Variants in LRRC56 observed in about 807,000 individuals in gnomAD.
LRRC56 encodes the protein leucine-rich repeat-containing protein 56.
LRRC56 carries 41 observed loss-of-function variants against 47.8 expected under a neutral mutation model. The observed-to-expected ratio is 0.86, with a 90% CI of 0.67 to 1.11. The LOEUF (loss-of-function observed/expected upper bound fraction) is 1.11. Among genes scored for constraint, LRRC56 ranks in the 50% most tolerant of loss-of-function variants. LRRC56 has a pLI of 0.00. For missense variants in LRRC56, 759 were observed against 704.2 expected (o/e 1.08, Z -0.88); for synonymous variants, 387 against 311.2 (o/e 1.24, Z -2.56).
At chr11:546,087 A>T (rs756010458) in intron 6 of LRRC56, among the ~76,000 whole-genome samples, 1 of 152,032 alleles carries the variant, frequency 6.6e-6, no homozygotes, top group African/African-American at 2.4e-5. Context: ...CCTGACCAAC[A>T]TGGAGAAATC....
At chr11:532,029 T>A in the LRRC56 span, among the ~76,000 whole-genome samples, 1 of 152,182 alleles carries the variant, frequency 6.6e-6, no homozygotes, top group Non-Finnish European at 1.5e-5. Context: ...GTCCTTATGA[T>A]CTGCCTGCTT....
At chr11:526,893 C>T in the LRRC56 span, among the ~76,000 whole-genome samples, 5 of 151,856 alleles carry the variant, frequency 3.3e-5, no homozygotes, top group African/African-American at 9.7e-5. Context: ...GCCAAGATCA[C>T]GCCACTGCAC....
the LRRC56 span, among the ~76,000 whole-genome samples, chr11:514,580 C>CTATTAT: frequency 2.0e-5 from 3 of 151,160 alleles, no homozygotes; most frequent in Admixed American, 6.6e-5. Flanking sequence ...TGTGCCCAGC[C>CTATTAT]TATTATTATT....
the LRRC56 span, among the ~76,000 whole-genome samples, chr11:512,056 G>A: frequency 3.3e-5 from 5 of 150,990 alleles, no homozygotes; most frequent in African/African-American, 7.3e-5. Context: ...TGATTCTTCC[G>A]CCTCAGCCTC....
chr11:517,745 AAAAG>A, the LRRC56 span, among the ~76,000 whole-genome samples: 17 of 152,002 alleles, frequency 1.1e-4, no homozygotes, highest in African/African-American at 4.1e-4. Context: ...AAATGTGGGG[AAAAG>A]AAAGAGAGGT....
rs573174238 is a variant in LRRC56 at position 552,481 on chromosome 11, C to G, written c.1182-88C>G. 22 of 1,307,902 alleles carry G rather than the reference C, an allele frequency of 1.7e-5. No individual in the cohort carries two copies. In the East Asian group the frequency reaches 2.8e-4, roughly 16 times the overall value. 81.0% of individuals were successfully genotyped at this position (1,307,902 alleles called of 1,614,324 possible). On this transcript the variant is annotated intron_variant, in intron 12 of 13. Coordinates refer to ENST00000270115, the MANE Select transcript of LRRC56 (RefSeq NM_198075.4). Reference sequence around the variant, plus strand: ...CTGGGGCTACCTTGGCTGAGTCATCCCCAGTCCCAAGGCTCATGGACCATC... The same window carrying G: ...CTGGGGCTACCTTGGCTGAGTCATCGCCAGTCCCAAGGCTCATGGACCATC...
intron 6 of LRRC56, 63 bp downstream of exon 6, chr11:544,843 G>T (rs1321121273): frequency 2.0e-4 from 256 of 1,302,774 alleles, no homozygotes; most frequent in Non-Finnish European, 2.1e-4. Flanking sequence ...GACAGGCCCT[G>T]CAGGGATGGG....
chr11:523,306 G>T, the LRRC56 span, among the ~76,000 whole-genome samples: 2 of 151,162 alleles, frequency 1.3e-5, no homozygotes, highest in African/African-American at 4.8e-5. Flanking sequence ...ATTACAGCAT[G>T]AGCCACCTCG....
At chr11:527,698 ATTTT>A in the LRRC56 span, among the ~76,000 whole-genome samples, 1 of 111,550 alleles carries the variant, frequency 9.0e-6, no homozygotes, top group Non-Finnish European at 1.8e-5. Flanking sequence ...CGCCCGGCTA[ATTTT>A]TTTTTTTTTT....
chr11:535,289 C>CCCGCCGCCGCCGCCG (rs113931482), upstream of LRRC56: 7 of 141,190 alleles, frequency 5.0e-5, no homozygotes, highest in Non-Finnish European at 1.1e-4. Flanking sequence ...GCCCCACCCA[C>CCCGCCGCCGCCGCCG]CCGCCGCCGC....
upstream of LRRC56, among the ~76,000 whole-genome samples, chr11:536,080 C>T (rs1303503229): frequency 6.6e-6 from 1 of 152,344 alleles, no homozygotes; most frequent in East Asian, 1.9e-4. Context: ...GCAGGTGGAG[C>T]GGCCGCGCAC....
chr11:525,501 T>C, the LRRC56 span, among the ~76,000 whole-genome samples: 2 of 150,952 alleles, frequency 1.3e-5, no homozygotes, highest in Admixed American at 1.3e-4. Flanking sequence ...ATCGCGCCAC[T>C]GCACTCCAGC....
At chr11:527,717 T>TTTTTG in the LRRC56 span, among the ~76,000 whole-genome samples, 2 of 146,308 alleles carry the variant, frequency 1.4e-5, no homozygotes, top group Admixed American at 6.8e-5. Context: ...TTTTTTTTTT[T>TTTTTG]GAGACAGAGT....
In LRRC56 at chr11:554,680, T is replaced by A. The variant is rs1852665708; in HGVS notation, c.*404T>A. On this transcript the variant is annotated 3_prime_UTR_variant, in exon 14 of 14. Coordinates refer to ENST00000270115, the MANE Select transcript of LRRC56 (RefSeq NM_198075.4). ...TGCCGGCCCCAGGGTAAGAGCCACC[T>A]CCTAGGCCGCAGTGGCCCAAGGTCC... is the stretch of plus-strand genomic sequence containing the variant. The A allele has an allele frequency of 4.8e-6, 2 of 420,890 alleles. No homozygotes were observed. The highest frequency in any genetic ancestry group is 8.5e-6 in the Non-Finnish European group (2 of 234,880). The allele number at this position is 420,890 out of a possible 1,614,324, so 26.1% of individuals were successfully genotyped here. A position where few individuals can be genotyped will look rare whatever the true frequency, so the allele number is the denominator to read the frequency against.
In LRRC56 at chr11:554,887, G is replaced by A. The variant is rs1207149814; in HGVS notation, c.*611G>A. ...AAATGCGGTTTACTTTGTAGGCCAC[G>A]TTGGTTCAATAAATGATGCAGCGGA... is the stretch of plus-strand genomic sequence containing the variant. On this transcript the variant is annotated 3_prime_UTR_variant, in exon 14 of 14. Coordinates refer to ENST00000270115, the MANE Select transcript of LRRC56 (RefSeq NM_198075.4). 3 of 881,610 alleles carry A rather than the reference G, an allele frequency of 3.4e-6. No homozygotes were observed. Among genetic ancestry groups the A allele is most frequent in the Non-Finnish European group, 4.9e-6 (3 of 615,092 alleles). The allele number at this position is 881,610 out of a possible 1,614,324, so 54.6% of individuals were successfully genotyped here.
intron 6 of LRRC56, 70 bp downstream of exon 6, chr11:544,850 TG>T (rs1163388028): frequency 1.1e-5 from 5 of 459,278 alleles, no homozygotes; most frequent in Non-Finnish European, 1.3e-5. Flanking sequence ...CCTGCAGGGA[TG>T]GGGGGAGAAC....
At chr11:511,138 G>A in the LRRC56 span, among the ~76,000 whole-genome samples, 38 of 151,610 alleles carry the variant, frequency 2.5e-4, no homozygotes, top group South Asian at 6.9e-3. Context: ...TGGCTAACAC[G>A]GTAAAACCGC....
chr11:553,076 A>T (rs1852504047), intron 13 of LRRC56, among the ~76,000 whole-genome samples: 1 of 152,242 alleles, frequency 6.6e-6, no homozygotes, highest in African/African-American at 2.4e-5. Context: ...GGACACAGGC[A>T]TGAGTCCGGG....
chr11:507,443 TCCC>T, the LRRC56 span: 2 of 148,148 alleles, frequency 1.3e-5, no homozygotes, highest in African/African-American at 2.5e-5. Flanking sequence ...GGGCGTGGTC[TCCC>T]CCAGTAGGCG....
Sources: gnomAD v4.1 joint callset for allele counts (sites outside exome capture counted in the v4.1 genomes callset) on GRCh38, gnomAD v4.1.1 for gene constraint, MANE v1.5 for transcripts, NCBI Gene and HGNC (gene_info 2026-07-23, HGNC 2026-07-21) for gene names.